Variants in NLRP14 observed in about 807,000 individuals in gnomAD.
NLRP14 encodes the protein NACHT, LRR and PYD domains-containing protein 14.
In NLRP14, 105 loss-of-function variants were observed where a neutral mutation model predicts 94.7. The observed-to-expected ratio is 1.11, with a 90% CI of 0.95 to 1.30. NLRP14 has a LOEUF of 1.30. Among genes scored for constraint, NLRP14 ranks in the 50% most tolerant of loss-of-function variants. The pLI is 0.00. For missense variants in NLRP14, 1,362 were observed against 1,254.1 expected, an observed-to-expected ratio of 1.09 and a Z score of -1.30; for synonymous variants, 508 against 459.9, an observed-to-expected ratio of 1.10 and a Z score of -1.34.
intron 5 of NLRP14, among the ~76,000 whole-genome samples, chr11:7,047,901 A>T (rs1852383091): frequency 6.6e-6 from 1 of 151,594 alleles, no homozygotes; most frequent in Non-Finnish European, 1.5e-5. Context: ...GTGGGACTAC[A>T]GGCACGCAGC....
intron 6 of NLRP14, among the ~76,000 whole-genome samples, chr11:7,055,633 G>T (rs74531944): frequency 0.031 from 4,691 of 151,950 alleles, 95 homozygotes; most frequent in Middle Eastern, 0.068. Flanking sequence ...CTCCAACAGG[G>T]CTCAACTCAT....
At chr11:7,066,746 T>G (rs1369698725) in intron 10 of NLRP14, among the ~76,000 whole-genome samples, 2 of 152,236 alleles carry the variant, frequency 1.3e-5, no homozygotes, top group African/African-American at 4.8e-5. Context: ...TTTTGGTGTT[T>G]TAGTCATGAA....
chr11:7,078,459 A>AT, the NLRP14 span, among the ~76,000 whole-genome samples: 3 of 145,046 alleles, frequency 2.1e-5, no homozygotes, highest in South Asian at 6.6e-4. Flanking sequence ...AAAAAAAAAA[A>AT]AAACAAAAAA....
At chr11:7,073,281 A>T (rs1852828861), downstream of NLRP14, among the ~76,000 whole-genome samples, 1 of 152,236 alleles carries the variant, frequency 6.6e-6, no homozygotes, top group Non-Finnish European at 1.5e-5. Context: ...GGCCTTCCTT[A>T]GTTCACCACA....
the NLRP14 span, chr11:7,089,072 C>T: frequency 1.9e-6 from 3 of 1,584,130 alleles, no homozygotes; most frequent in Non-Finnish European, 2.6e-6. Context: ...GCGACTGGCG[C>T]CGCCTCACCG....
chr11:7,073,440 A>G (rs1852831165), downstream of NLRP14, among the ~76,000 whole-genome samples: 1 of 152,090 alleles, frequency 6.6e-6, no homozygotes, highest in African/African-American at 2.4e-5. Context: ...ACACCAAGCA[A>G]TTTTCCAACA....
intron 6 of NLRP14, among the ~76,000 whole-genome samples, chr11:7,051,552 A>C (rs188638660): frequency 1.4e-4 from 21 of 152,324 alleles, no homozygotes; most frequent in African/African-American, 4.6e-4. Context: ...ATACCTTCTA[A>C]AACTTTAAAT....
Position 7,071,363 on chromosome 11 carries a change from G to C in NLRP14, c.*55G>C, listed in dbSNP as rs199475892. The C allele has an allele frequency of 2.1e-6, 3 of 1,451,558 alleles. No individual in the cohort carries two copies. The highest frequency in any genetic ancestry group is 2.9e-6 in the Non-Finnish European group (3 of 1,049,948). 89.9% of individuals were successfully genotyped at this position (1,451,558 alleles called of 1,614,324 possible). A position where few individuals can be genotyped will look rare whatever the true frequency, so the allele number is the denominator to read the frequency against. On this transcript the variant is annotated 3_prime_UTR_variant, in exon 12 of 12. Coordinates refer to ENST00000299481, the MANE Select transcript of NLRP14 (RefSeq NM_176822.4). ...ATAAATATAAATACATACATACATA[G>C]ATATATACCCAGACTTGGGTGCTTA...
chr11:7,068,911 C>T (rs1210805583), intron 10 of NLRP14, among the ~76,000 whole-genome samples: 1 of 152,184 alleles, frequency 6.6e-6, no homozygotes, highest in African/African-American at 2.4e-5. Flanking sequence ...CTCTTAGCCT[C>T]CCAAAGTGCT....
chr11:7,041,644 G>A (rs971975957), intron 3 of NLRP14, among the ~76,000 whole-genome samples: 13 of 152,112 alleles, frequency 8.5e-5, no homozygotes, highest in Non-Finnish European at 1.9e-4. Context: ...CAATGATGAA[G>A]CCCCTAGCCA....
chr11:7,089,910 G>A, the NLRP14 span: 11 of 1,612,806 alleles, frequency 6.8e-6, no homozygotes, highest in African/African-American at 8.0e-5. Flanking sequence ...AGACGGCTAC[G>A]GAGGTCGCGA....
Position 7,071,079 on chromosome 11 carries a change from G to GT in NLRP14, c.3147-86dup, listed in dbSNP as rs916200672. ...ATTATCTCTCTATTTTAACAGAACA[G>GT]TTTTTTTTCTCCTGAAATAAATCCT... On this transcript the variant is annotated intron_variant, in intron 11 of 11. Coordinates refer to ENST00000299481, the MANE Select transcript of NLRP14 (RefSeq NM_176822.4). The GT allele has an allele frequency of 1.4e-4, 202 of 1,436,004 alleles. 1 individual carries two copies. Among genetic ancestry groups the GT allele is most frequent in the East Asian group, 1.3e-3 (56 of 43,716 alleles). The allele number at this position is 1,436,004 out of a possible 1,614,324, so 89.0% of individuals were successfully genotyped here.
chr11:7,089,904 G>A, the NLRP14 span: 10 of 1,612,916 alleles, frequency 6.2e-6, no homozygotes, highest in Admixed American at 1.0e-4. Flanking sequence ...CGACCGAGAC[G>A]GCTACGGAGG....
chr11:7,063,344 C>A (rs1034432503), intron 10 of NLRP14, among the ~76,000 whole-genome samples: 1 of 152,000 alleles, frequency 6.6e-6, no homozygotes, highest in African/African-American at 2.4e-5. Context: ...AGCATGTTTG[C>A]GTCAGTTCCT....
downstream of NLRP14, among the ~76,000 whole-genome samples, chr11:7,072,307 G>T (rs928410684): frequency 6.6e-5 from 10 of 152,186 alleles, no homozygotes; most frequent in African/African-American, 2.2e-4. Context: ...TGAAAGGCTG[G>T]GATGAGCCAG....
the NLRP14 span, among the ~76,000 whole-genome samples, chr11:7,078,355 T>G: frequency 0.63 from 91,565 of 144,508 alleles, 28,777 homozygotes; most frequent in East Asian, 0.79. Context: ...GGAGAATGGC[T>G]TGAACCTGGG....
At chr11:7,046,633 G>A in intron 4 of NLRP14, 35 bp from the exon 5 acceptor site, 1 of 1,589,392 alleles carries the variant, frequency 6.3e-7, no homozygotes, top group Admixed American at 1.7e-5. Context: ...AATAAAATCA[G>A]CATTGTTTTT....
At chr11:7,040,302 C>T (rs551911688) in intron 3 of NLRP14, among the ~76,000 whole-genome samples, 8 of 152,310 alleles carry the variant, frequency 5.3e-5, no homozygotes, top group African/African-American at 1.2e-4. Flanking sequence ...TGGTAGGCCA[C>T]GGGAGCTTTA....
chr11:7,090,088 G>A, the NLRP14 span: 3 of 1,611,486 alleles, frequency 1.9e-6, no homozygotes, highest in Non-Finnish European at 2.5e-6. Context: ...AGCGGCGGCC[G>A]CGACAGTTAC....
Sources: gnomAD v4.1 joint callset for allele counts (sites outside exome capture counted in the v4.1 genomes callset) on GRCh38, gnomAD v4.1.1 for gene constraint, MANE v1.5 for transcripts, NCBI Gene and HGNC (gene_info 2026-07-23, HGNC 2026-07-21) for gene names.